GREB1: variants seen among roughly 807,000 people sequenced by gnomAD.
GREB1 encodes the protein protein GREB1.
Under a neutral mutation model 200.7 loss-of-function variants are expected in GREB1, and 106 were observed. The observed-to-expected ratio is 0.53, with a 90% CI of 0.45 to 0.62. The LOEUF is 0.62. Ranked by LOEUF, GREB1 falls within the 20% of genes least tolerant of loss-of-function variation. The pLI is 0.00. For missense variants in GREB1, 2,243 were observed against 2,556.8 expected, an observed-to-expected ratio of 0.88 and a Z score of 2.65; for synonymous variants, 1,132 against 1,092.4, an observed-to-expected ratio of 1.04 and a Z score of -0.72.
rs777216982 is a variant in GREB1, at chr2:11,566,647, G to A, written c.445G>A (p.Ala149Thr). The A allele has an allele frequency of 1.2e-6, 2 of 1,612,244 alleles. No individual in the cohort carries two copies. The highest frequency in any genetic ancestry group is 2.2e-5 in the South Asian group (2 of 90,760). Residue 149 changes from alanine to threonine, a missense_variant, in exon 4 of 33, where the codon GCT (alanine) becomes ACT (threonine). This residue lies in a region of GREB1 where 1,178 missense variants were observed against 1,387.4 expected (regional missense o/e 0.85). Coordinates refer to ENST00000381486, the MANE Select transcript of GREB1 (RefSeq NM_014668.4). ...CTTGCCAGATGACAATGGCCACAAT[G>A]CTCTTCTTGGTAAGTACTGCTTTGT... ...RFLPDDNGHN[A>T]LLGFSGNCVG...
At chr2:11,607,531 C>T (rs915820958) in intron 17 of GREB1, among the ~76,000 whole-genome samples, 2 of 140,568 alleles carry the variant, frequency 1.4e-5, no homozygotes, top group African/African-American at 5.4e-5. Flanking sequence ...TATATATACA[C>T]ATATATATAC....
chr2:11,482,906 C>G (rs1290858785), intron 1 of GREB1, among the ~76,000 whole-genome samples: 1 of 151,332 alleles, frequency 6.6e-6, no homozygotes, highest in Admixed American at 6.6e-5. Context: ...GGCTAGCCTC[C>G]GTCGGCGGCG....
intron 1 of GREB1, among the ~76,000 whole-genome samples, chr2:11,541,311 T>G (rs1572626272): frequency 6.6e-6 from 1 of 152,086 alleles, no homozygotes; most frequent in Non-Finnish European, 1.5e-5. Context: ...GTTTTGCTCT[T>G]ATAGACTTGA....
intron 1 of GREB1, among the ~76,000 whole-genome samples, chr2:11,513,948 A>G (rs918717962): frequency 2.0e-5 from 3 of 152,192 alleles, no homozygotes; most frequent in African/African-American, 7.2e-5. Flanking sequence ...GAGCTGCCTA[A>G]GTCCTGGCCG....
rs774460720 is a variant in GREB1 at position 11,580,787 on chromosome 2, C to T, written c.856C>T (p.Leu286=). Residue 286 remains leucine (L), a synonymous_variant, in exon 7 of 33, where the codon CTG becomes TTG. Coordinates refer to ENST00000381486, the MANE Select transcript of GREB1 (RefSeq NM_014668.4). The surrounding 1 kb of genome is among the most constrained non-coding windows in gnomAD (Gnocchi z 4.5). ...NGKDSPKCQQ[L]AKNNLLALPR... is the part of the protein sequence containing the mutation. Reference sequence around the variant, plus strand: ...CAAAGATTCCCCGAAGTGCCAACAACTGGCAAAGAATAACCTGTTGGCCCT... The same window carrying T: ...CAAAGATTCCCCGAAGTGCCAACAATTGGCAAAGAATAACCTGTTGGCCCT... 1.2e-6 allele frequency: 2 copies of T among 1,614,236 alleles called. No individual in the cohort carries two copies. Among genetic ancestry groups the T allele is most frequent in the Admixed American group, 3.3e-5 (2 of 60,034 alleles).
chr2:11,575,987 C>T (rs761327281), intron 4 of GREB1, among the ~76,000 whole-genome samples: 10 of 152,192 alleles, frequency 6.6e-5, no homozygotes, highest in Non-Finnish European at 1.5e-4. Context: ...GAGTTGAGGC[C>T]GTCTTCACCT....
intron 1 of GREB1, among the ~76,000 whole-genome samples, chr2:11,517,745 G>A (rs1034457262): frequency 3.3e-5 from 5 of 152,006 alleles, no homozygotes; most frequent in East Asian, 1.9e-4. Context: ...TCCGCCTCCC[G>A]GGTTCATGCC....
intron 1 of GREB1, among the ~76,000 whole-genome samples, chr2:11,541,059 A>G (rs1674698461): frequency 6.6e-6 from 1 of 152,168 alleles, no homozygotes; most frequent in African/African-American, 2.4e-5. Context: ...AGCATGGGTC[A>G]GTGATGTCTG....
rs778091287 is a variant in GREB1 at position 11,633,425 on chromosome 2, G to A, written c.4991+362G>A. ...AAAATACAAAAAAATTTAGCTGGGC[G>A]TGGTGGCGGGCGCCTGTAGTCCCAG... On this transcript the variant is annotated intron_variant, in intron 28 of 32. Coordinates refer to ENST00000381486, the MANE Select transcript of GREB1 (RefSeq NM_014668.4). The surrounding 1 kb of genome is among the most constrained non-coding windows in gnomAD (Gnocchi z 4.1). Among the ~76,000 whole-genome samples, 40 of 151,958 alleles carry A rather than the reference G, an allele frequency of 2.6e-4. No individual in the cohort carries two copies. The highest frequency in any genetic ancestry group is 1.2e-3 in the Admixed American group (19 of 15,246).
At chr2:11,610,636 C>T in intron 17 of GREB1, 52 bp from the exon 18 acceptor site, 1 of 1,380,000 alleles carries the variant, frequency 7.2e-7, no homozygotes, top group Non-Finnish European at 1.0e-6. Context: ...TTGGCAGCAG[C>T]AGGCCGGTGG....
chr2:11,618,972 C>T (rs1373725836), intron 22 of GREB1, 53 bp downstream of exon 22: 7 of 1,419,356 alleles, frequency 4.9e-6, no homozygotes, highest in African/African-American at 2.9e-5. Flanking sequence ...GGTCCTCACA[C>T]TCCCATCTGG....
Position 11,596,184 on chromosome 2 carries a change from C to G in GREB1, c.1899C>G (p.Ala633=). 2 of 1,613,482 alleles carry G rather than the reference C, an allele frequency of 1.2e-6. No homozygotes were observed. Among genetic ancestry groups the G allele is most frequent in the Non-Finnish European group, 1.7e-6 (2 of 1,179,422 alleles). Reference sequence around the variant, plus strand: ...GCCATATTTCTTCCTCACTCGCTGCCTCTTCTGTCACTAAAGCAGCATCCC... The same window carrying G: ...GCCATATTTCTTCCTCACTCGCTGCGTCTTCTGTCACTAAAGCAGCATCCC... ...NQGHISSSLA[A]SSVTKAASLD... The change falls in exon 13 of 33, where the codon GCC becomes GCG. Residue 633 remains alanine, a synonymous_variant. Transcript: ENST00000381486.
intron 1 of GREB1, among the ~76,000 whole-genome samples, chr2:11,525,679 A>C (rs1673849463): frequency 6.6e-6 from 1 of 152,096 alleles, no homozygotes; most frequent in Non-Finnish European, 1.5e-5. Flanking sequence ...AGGGTGTAAG[A>C]CACCACTCTC....
Position 11,597,656 on chromosome 2 carries a change from T to C in GREB1, c.1955-125T>C, listed in dbSNP as rs1681390954. 3 of 804,052 alleles carry C rather than the reference T, an allele frequency of 3.7e-6. No individual in the cohort carries two copies. The East Asian group carries it at 7.4e-5, about 20-fold the overall frequency. 49.8% of individuals were successfully genotyped at this position (804,052 alleles called of 1,614,324 possible). On this transcript the variant is annotated intron_variant, in intron 13 of 32. Coordinates refer to ENST00000381486, the MANE Select transcript of GREB1 (RefSeq NM_014668.4). The surrounding 1 kb of genome is among the most constrained non-coding windows in gnomAD (Gnocchi z 4.1). ...ACTTGATAAACGTGAGTTATTCCCC[T>C]TTCCCTCATCGCTTTGTGAATGGGG...
At chr2:11,637,665 G>T (rs753046666) in intron 30 of GREB1, 51 bp from the exon 31 acceptor site, 18 of 1,567,698 alleles carry the variant, frequency 1.1e-5, no homozygotes, top group Non-Finnish European at 1.6e-5. Flanking sequence ...GCCATGGGAA[G>T]GTCCTCGCCC....
intron 7 of GREB1, among the ~76,000 whole-genome samples, chr2:11,582,603 A>G (rs952403993): frequency 3.3e-5 from 5 of 152,190 alleles, no homozygotes; most frequent in Non-Finnish European, 7.4e-5. Flanking sequence ...TCCCGCAGCC[A>G]CATGTGGCCA....
chr2:11,510,551 A>G (rs1417197079), intron 1 of GREB1, among the ~76,000 whole-genome samples: 1 of 152,174 alleles, frequency 6.6e-6, no homozygotes, highest in East Asian at 1.9e-4. Flanking sequence ...TACAGCTCAC[A>G]CAGGAAAGGT....
intron 10 of GREB1, among the ~76,000 whole-genome samples, chr2:11,589,138 A>G (rs951351274): frequency 1.3e-5 from 2 of 152,196 alleles, no homozygotes; most frequent in African/African-American, 4.8e-5. Context: ...TGATGGAGAC[A>G]TTTCCAGAAC....
At chr2:11,628,231 G>T (rs938979515) in intron 25 of GREB1, among the ~76,000 whole-genome samples, 3 of 152,228 alleles carry the variant, frequency 2.0e-5, no homozygotes, top group Non-Finnish European at 4.4e-5. Context: ...TTATAAACAG[G>T]GCAGAGGATT....
Sources: gnomAD v4.1 joint callset for allele counts (sites outside exome capture counted in the v4.1 genomes callset) on GRCh38, gnomAD v4.1.1 for gene constraint, gnomAD v4.1.1 regional missense constraint, Gnocchi (gnomAD v3.1) non-coding constraint, MANE v1.5 for transcripts, NCBI Gene and HGNC (gene_info 2026-07-23, HGNC 2026-07-21) for gene names.